Variants in SNTB2 observed in about 807,000 individuals in gnomAD.
The protein encoded by SNTB2 is beta-2-syntrophin.
A neutral mutation model predicts 46.2 loss-of-function variants in SNTB2; 34 were observed. The observed-to-expected ratio is 0.74, with a 90% CI of 0.56 to 0.98. SNTB2 has a LOEUF of 0.98. Among genes scored for constraint, SNTB2 ranks in the 50% least tolerant of loss-of-function variants. SNTB2 has a pLI of 0.00. For missense variants in SNTB2, 603 were observed against 731.4 expected, an observed-to-expected ratio of 0.82 and a Z score of 2.02; for synonymous variants, 290 against 312.6, an observed-to-expected ratio of 0.93 and a Z score of 0.76.
chr16:69,292,388 TATTA>T (rs1965173671), intron 5 of SNTB2, among the ~76,000 whole-genome samples: 2 of 13,484 alleles, frequency 1.5e-4, no homozygotes, highest in East Asian at 4.3e-3. Context: ...ATTATATATA[TATTA>T]TATATATATA....
At chr16:69,263,455 G>A (rs911325620) in intron 3 of SNTB2, among the ~76,000 whole-genome samples, 1 of 147,580 alleles carries the variant, frequency 6.8e-6, no homozygotes, top group Non-Finnish European at 1.5e-5. Context: ...TTTCGCTCTT[G>A]TTGCCCAGGC....
rs1361600127 is a variant in SNTB2, at chr16:69,299,682, T to C, written c.1438T>C (p.Leu480=). ...SRENGGSSSI[L]YRYPFERLKM... ...GGAAAATGGAGGCTCCAGCAGCATA[T>C]TGTACCGCTACCCCTTTGAAAGGCT... Residue 480 remains leucine (L), a synonymous_variant, in exon 6 of 7, where the codon TTG becomes CTG. Coordinates refer to ENST00000336278, the MANE Select transcript of SNTB2 (RefSeq NM_006750.4). 3.1e-6 allele frequency: 5 copies of C among 1,614,168 alleles called. No individual in the cohort carries two copies. The highest frequency in any genetic ancestry group is 1.1e-5 in the South Asian group (1 of 91,084).
At chr16:69,204,465 G>C (rs76178191) in intron 1 of SNTB2, among the ~76,000 whole-genome samples, 3,504 of 152,238 alleles carry the variant, frequency 0.023, 137 homozygotes, top group African/African-American at 0.08. Flanking sequence ...AAGAAGTCAG[G>C]CTTTGCCACA....
At chr16:69,298,129 G>T (rs1407086212) in intron 5 of SNTB2, among the ~76,000 whole-genome samples, 1 of 152,062 alleles carries the variant, frequency 6.6e-6, no homozygotes, top group African/African-American at 2.4e-5. Context: ...ATAGAAATGA[G>T]ATCTTGCCAT....
intron 1 of SNTB2, among the ~76,000 whole-genome samples, chr16:69,199,782 A>G (rs995799320): frequency 1.3e-5 from 2 of 152,124 alleles, no homozygotes; most frequent in African/African-American, 4.8e-5. Flanking sequence ...ATCTTAATGA[A>G]AATTGAAAAA....
rs1184750400 is a variant in SNTB2 at position 69,292,448 on chromosome 16, A to AT, written c.1346-7132dup. Among the ~76,000 whole-genome samples the AT allele has an allele frequency of 2.0e-4, 13 of 63,842 alleles. 1 individual carries two copies. Among genetic ancestry groups the AT allele is most frequent in the East Asian group, 7.7e-4 (2 of 2,592 alleles). The allele number at this position is 63,842 out of a possible 152,430, so 41.9% of individuals were successfully genotyped here. ...TATATATATATATTATATATATATAATTTTTTTTTTGAGACAGAGTTTTGC... is the reference window on the plus strand; with the variant it reads ...TATATATATATATTATATATATATAATTTTTTTTTTTGAGACAGAGTTTTGC... On this transcript the variant is annotated intron_variant, in intron 5 of 6. Coordinates refer to ENST00000336278, the MANE Select transcript of SNTB2 (RefSeq NM_006750.4).
chr16:69,270,018 A>T, intron 3 of SNTB2, 125 bp from the exon 4 acceptor site: 1 of 1,042,570 alleles, frequency 9.6e-7, no homozygotes, highest in Non-Finnish European at 1.5e-6. Flanking sequence ...ATGTTTCCTG[A>T]ATGTAAAGTC....
chr16:69,294,056 C>T (rs937830331), intron 5 of SNTB2, among the ~76,000 whole-genome samples: 1 of 152,108 alleles, frequency 6.6e-6, no homozygotes, highest in Non-Finnish European at 1.5e-5. Flanking sequence ...GAGAGACAGT[C>T]TCATTCTGTT....
At chr16:69,245,325 T>A (rs943485383) in intron 1 of SNTB2, among the ~76,000 whole-genome samples, 2 of 151,984 alleles carry the variant, frequency 1.3e-5, no homozygotes, top group Admixed American at 1.3e-4. Flanking sequence ...TCCTGAGTAG[T>A]TGGGACTACA....
At chr16:69,260,622 T>C (rs1964825775) in intron 3 of SNTB2, among the ~76,000 whole-genome samples, 2 of 152,248 alleles carry the variant, frequency 1.3e-5, no homozygotes, top group South Asian at 4.1e-4. Flanking sequence ...TTGACTCTTC[T>C]GTTGTAGCAA....
Position 69,260,050 on chromosome 16 carries a change from A to G in SNTB2, c.795A>G (p.Arg265=). Residue 265 remains arginine (R), a splice_region_variant and synonymous_variant, in exon 3 of 7, where the codon AGA becomes AGG. Coordinates refer to ENST00000336278, the MANE Select transcript of SNTB2 (RefSeq NM_006750.4). ...TTTTTTTTTTTCTTTTTCCACACAGATTGATAGAGCTACATTCTCCTGATA... is the reference window on the plus strand; with the variant it reads ...TTTTTTTTTTTCTTTTTCCACACAGGTTGATAGAGCTACATTCTCCTGATA... ...RNLSMPDLEN[R]LIELHSPDSR... 3.7e-6 allele frequency: 6 copies of G among 1,611,816 alleles called. No homozygotes were observed. Among genetic ancestry groups the G allele is most frequent in the Non-Finnish European group, 5.1e-6 (6 of 1,178,732 alleles).
intron 1 of SNTB2, among the ~76,000 whole-genome samples, chr16:69,217,875 A>G (rs972411787): frequency 1.3e-5 from 2 of 152,168 alleles, no homozygotes; most frequent in African/African-American, 4.8e-5. Flanking sequence ...AGCTGCCTGA[A>G]AAAAAATTTT....
intron 1 of SNTB2, among the ~76,000 whole-genome samples, chr16:69,220,635 C>G (rs1375819709): frequency 6.6e-6 from 1 of 151,968 alleles, no homozygotes; most frequent in Non-Finnish European, 1.5e-5. Context: ...TCAAGCAATC[C>G]TTCTGCCTCA....
chr16:69,300,881 C>T lies in SNTB2; in HGVS notation c.1580C>T (p.Thr527Met). The T allele has an allele frequency of 1.9e-6, 3 of 1,613,876 alleles. No individual in the cohort carries two copies. The highest frequency in any genetic ancestry group is 1.7e-6 in the Non-Finnish European group (2 of 1,179,874). ...AAGCCGATTGTATTTGTGTTGCACA[C>T]GTTTTTATCGGCCAAAGTCACTCGT... is the stretch of plus-strand genomic sequence containing the variant. ...CPKPIVFVLH[T>M]FLSAKVTRMG... The change falls in exon 7 of 7, where the codon ACG (threonine) becomes ATG (methionine). Residue 527 changes from threonine to methionine, a missense_variant. Transcript: ENST00000336278.
At chr16:69,201,863 CTCT>C (rs1377323431) in intron 1 of SNTB2, among the ~76,000 whole-genome samples, 1 of 151,918 alleles carries the variant, frequency 6.6e-6, no homozygotes, top group Non-Finnish European at 1.5e-5. Context: ...GTTAATTGTC[CTCT>C]TCTTCTGTGC....
intron 6 of SNTB2, 101 bp from the exon 7 acceptor site, chr16:69,300,731 G>A: frequency 2.5e-6 from 2 of 807,502 alleles, no homozygotes; most frequent in Non-Finnish European, 4.3e-6. Context: ...CCATAGCTCT[G>A]GCACATTCTT....
chr16:69,266,312 C>T (rs915352204), intron 3 of SNTB2, among the ~76,000 whole-genome samples: 2 of 151,970 alleles, frequency 1.3e-5, no homozygotes, highest in Non-Finnish European at 2.9e-5. Flanking sequence ...TGCAGTGATC[C>T]GAGATGGGGC....
chr16:69,250,314 C>T (rs1964713873), intron 2 of SNTB2, among the ~76,000 whole-genome samples: 1 of 152,056 alleles, frequency 6.6e-6, no homozygotes, highest in Non-Finnish European at 1.5e-5. Context: ...ATGTACAGAA[C>T]CATTAACTAA....
intron 1 of SNTB2, among the ~76,000 whole-genome samples, chr16:69,221,973 A>G (rs1451700924): frequency 6.6e-6 from 1 of 152,210 alleles, no homozygotes; most frequent in African/African-American, 2.4e-5. Context: ...GCAAAATAGC[A>G]CAAAGCTTGA....
Sources: allele counts gnomAD v4.1 joint callset (sites outside exome capture counted in the v4.1 genomes callset), GRCh38; gene constraint gnomAD v4.1.1; transcripts MANE v1.5; gene names NCBI Gene and HGNC (gene_info 2026-07-23, HGNC 2026-07-21).